The following PAK4 variants were observed in gnomAD, a reference collection of about 807,000 sequenced individuals.
PAK4 encodes the protein p21 (RAC1) activated kinase 4.
PAK4 carries 49 observed loss-of-function variants against 53.5 expected under a neutral mutation model. The observed-to-expected ratio is 0.92, with a 90% CI of 0.73 to 1.16. PAK4 has a LOEUF of 1.16. PAK4 is among the 50% of genes most tolerant of loss of function. PAK4 has a pLI of 0.00. For synonymous variants in PAK4, 376 were observed against 375.6 expected (o/e 1.00, Z -0.01); for missense variants, 824 against 850.7 (o/e 0.97, Z 0.39).
At chr19:39,127,462 C>T (rs11880592) in intron 1 of PAK4, among the ~76,000 whole-genome samples, 6,478 of 152,148 alleles carry the variant, frequency 0.043, 450 homozygotes, top group African/African-American at 0.15. Context: ...TCTCATCTGA[C>T]CAGCCCTTAC....
intron 1 of PAK4, among the ~76,000 whole-genome samples, chr19:39,166,380 G>A (rs557746700): frequency 6.6e-6 from 1 of 152,336 alleles, no homozygotes; most frequent in Non-Finnish European, 1.5e-5. Flanking sequence ...GGAGGCGGAG[G>A]TTGCAGTGAG....
intron 1 of PAK4, among the ~76,000 whole-genome samples, chr19:39,143,826 A>G: frequency 6.6e-6 from 1 of 151,592 alleles, no homozygotes; most frequent in East Asian, 1.9e-4. Context: ...TTAAAATGTA[A>G]AAGGGCGTGG....
At chr19:39,181,556 G>C (rs1436212889), downstream of PAK4, 4 of 152,464 alleles carry the variant, frequency 2.6e-5, no homozygotes, top group East Asian at 7.7e-4. Context: ...TGTCTGGCCA[G>C]AGCAGAATGG....
intron 1 of PAK4, among the ~76,000 whole-genome samples, chr19:39,141,052 G>C (rs535952393): frequency 1.2e-4 from 18 of 152,184 alleles, no homozygotes; most frequent in Non-Finnish European, 2.5e-4. Flanking sequence ...TTACGATGAG[G>C]TCACATTTCC....
intron 1 of PAK4, among the ~76,000 whole-genome samples, chr19:39,145,792 C>T (rs920568524): frequency 1.4e-4 from 22 of 152,100 alleles, no homozygotes; most frequent in African/African-American, 5.3e-4. Context: ...TCCCCCTGCG[C>T]CCGCCCACTG....
intron 1 of PAK4, among the ~76,000 whole-genome samples, chr19:39,158,146 CGT>C (rs1031564500): frequency 2.4e-4 from 35 of 143,830 alleles, no homozygotes; most frequent in Admixed American, 2.0e-3. Flanking sequence ...TGTGAGCGTG[CGT>C]GTGTGCACAT....
intron 1 of PAK4, among the ~76,000 whole-genome samples, chr19:39,144,886 C>A (rs1212838618): frequency 6.6e-6 from 1 of 152,094 alleles, no homozygotes; most frequent in Non-Finnish European, 1.5e-5. Flanking sequence ...TTGTCAGGAT[C>A]GCTCTCCCGG....
Position 39,175,529 on chromosome 19 carries a change from C to A in PAK4, c.1359+91C>A. 1 of 1,340,802 alleles carries A rather than the reference C, an allele frequency of 7.5e-7. No homozygotes were observed. Among genetic ancestry groups the A allele is most frequent in the Non-Finnish European group, 1.0e-6 (1 of 973,454 alleles). 83.1% of individuals were successfully genotyped at this position (1,340,802 alleles called of 1,614,324 possible). ...CCCATCCCCTGTGAGGGTAGGTGAG[C>A]TCTGACCCCCAGGTCTGTGTCTTGA... On this transcript the variant is annotated intron_variant, in intron 6 of 8. Coordinates refer to ENST00000358301, the Ensembl canonical transcript of PAK4. The surrounding 1 kb of genome is among the most constrained non-coding windows in gnomAD (Gnocchi z 4.7).
Position 39,166,184 on chromosome 19 carries a change from G to A in PAK4, c.-22-3348G>A, listed in dbSNP as rs564045586. Reference sequence around the variant, plus strand: ...TATAAAAACTCCAGGAAGGCCAGGCGCAGGGCTCACGCCTGTAATCCTAAC... The same window carrying A: ...TATAAAAACTCCAGGAAGGCCAGGCACAGGGCTCACGCCTGTAATCCTAAC... On this transcript the variant is annotated intron_variant, in intron 1 of 8. Coordinates refer to ENST00000358301, the Ensembl canonical transcript of PAK4. Among the ~76,000 whole-genome samples the A allele has an allele frequency of 3.3e-5, 5 of 152,334 alleles. No individual in the cohort carries two copies. In the East Asian group the frequency reaches 7.7e-4, roughly 24 times the overall value.
intron 1 of PAK4, among the ~76,000 whole-genome samples, chr19:39,137,025 CT>C (rs1471023544): frequency 6.6e-6 from 1 of 152,192 alleles, no homozygotes; most frequent in Non-Finnish European, 1.5e-5. Context: ...GTCTTGACAG[CT>C]GCTTGGGCCT....
chr19:39,130,020 C>G (rs997933703), intron 1 of PAK4, among the ~76,000 whole-genome samples: 2 of 150,380 alleles, frequency 1.3e-5, no homozygotes, highest in Admixed American at 1.3e-4. Context: ...GACCTGCTGT[C>G]CCCAGACGGT....
At position 39,178,496 on chromosome 19, in the gene PAK4, G is replaced by C. The variant is rs150747591; in HGVS notation, c.1693G>C (p.Glu565Gln). The change falls in exon 9 of 9, where the codon GAG becomes CAG. Residue 565 changes from glutamate to glutamine, a missense_variant. Glu to Gln is a conservative substitution (Grantham distance 29). This residue lies in a region of PAK4 where 346 missense variants were observed against 415.0 expected (regional missense o/e 0.83). Transcript: ENST00000358301. The surrounding 1 kb of genome is among the most constrained non-coding windows in gnomAD (Gnocchi z 4.4). ...CCCTGCCCAGCGGGCCACGGCAGCC[G>C]AGCTGCTGAAGCACCCATTCCTGGC... 1.9e-6 allele frequency: 3 copies of C among 1,612,028 alleles called. No individual in the cohort carries two copies. The highest frequency in any genetic ancestry group is 1.7e-4 in the Middle Eastern group (1 of 6,018).
rs2074575307 is a variant in PAK4 at position 39,175,090 on chromosome 19, C to T, written c.1232+26C>T. On this transcript the variant is annotated intron_variant, in intron 5 of 8. Transcript: ENST00000358301. This position sits in a 1 kb window ranked among gnomAD's most constrained non-coding sequence, Gnocchi z 4.7. ...GTATTTCTGGGGCCTCAGACCCCTC[C>T]TGTGACACGACCAAGTCCCCTCCAG... The T allele has an allele frequency of 6.3e-7, 1 of 1,588,846 alleles. No individual in the cohort carries two copies.
intron 1 of PAK4, among the ~76,000 whole-genome samples, chr19:39,154,130 C>A (rs750007090): frequency 6.6e-6 from 1 of 152,096 alleles, no homozygotes; most frequent in African/African-American, 2.4e-5. Flanking sequence ...TTCACCACCT[C>A]CTGGGGACGA....
Position 39,128,855 on chromosome 19 carries a change from A to G in PAK4, c.-23+2936A>G, listed in dbSNP as rs947084177. On this transcript the variant is annotated intron_variant, in intron 1 of 8. Coordinates refer to ENST00000358301, the Ensembl canonical transcript of PAK4. The stretch of plus-strand genomic sequence containing the variant: ...CAACAGCTCTTGCCCCTGGCTGCAC[A>G]TTGCAACTCCCTGGAGAGCTTTGAA... Among the ~76,000 whole-genome samples, 25 of 152,146 alleles carry G rather than the reference A, an allele frequency of 1.6e-4. 1 individual carries two copies. Among genetic ancestry groups the G allele is most frequent in the African/African-American group, 6.0e-4 (25 of 41,444 alleles).
Position 39,165,221 on chromosome 19 carries a change from G to T in PAK4, c.-22-4311G>T, listed in dbSNP as rs1038093572. ...ATAATAATAATAATAATAATAATAA[G>T]GCCGGGCGCGGTGGCTCACGCCTGT... On this transcript the variant is annotated intron_variant, in intron 1 of 8. Transcript: ENST00000358301. Among the ~76,000 whole-genome samples the T allele has an allele frequency of 2.9e-4, 21 of 73,284 alleles. No homozygotes were observed. The East Asian group carries it at 4.3e-3, about 15-fold the overall frequency. The allele number at this position is 73,284 out of a possible 152,430, so 48.1% of individuals were successfully genotyped here. A position where few individuals can be genotyped will look rare whatever the true frequency, so the allele number is the denominator to read the frequency against.
exon 7 of PAK4, chr19:39,176,661 C>T (rs2074611422): frequency 1.9e-6 from 3 of 1,613,430 alleles, no homozygotes; most frequent in East Asian, 4.5e-5. Context: ...CGCTGGTCGG[C>T]ACGCCCTACT....
chr19:39,174,803 G>C, intron 4 of PAK4, 128 bp from the exon 6 acceptor site: 4 of 1,072,714 alleles, frequency 3.7e-6, no homozygotes, highest in Middle Eastern at 2.7e-4. Context: ...GGGGAGGGCA[G>C]TCCAGGTGGC....
At chr19:39,131,858 G>A (rs570513730) in intron 1 of PAK4, among the ~76,000 whole-genome samples, 1 of 152,292 alleles carries the variant, frequency 6.6e-6, no homozygotes, top group Admixed American at 6.5e-5. Context: ...AACTTCCCTG[G>A]GCCTCTGATT....
Sources: gnomAD v4.1 joint callset for allele counts (sites outside exome capture counted in the v4.1 genomes callset) on GRCh38, gnomAD v4.1.1 for gene constraint, gnomAD v4.1.1 regional missense constraint, Gnocchi (gnomAD v3.1) non-coding constraint, MANE v1.5 for transcripts, NCBI Gene and HGNC (gene_info 2026-07-23, HGNC 2026-07-21) for gene names.